Variants in DCC observed in about 807,000 individuals in gnomAD.
DCC encodes netrin receptor DCC.
Under a neutral mutation model 172.5 loss-of-function variants are expected in DCC, and 58 were observed. The observed-to-expected ratio is 0.34, with a 90% confidence interval of 0.27 to 0.42. DCC has a LOEUF of 0.42. Among genes scored for constraint, DCC ranks in the 10% least tolerant of loss-of-function variants. The pLI is 1.00. For missense variants in DCC, 1,740 were observed against 1,791.0 expected (o/e 0.97, Z 0.51); for synonymous variants, 709 against 644.5 (o/e 1.10, Z -1.52).
chr18:52,878,471 C>T (rs185260756), intron 2 of DCC, among the ~76,000 whole-genome samples: 10 of 152,276 alleles, frequency 6.6e-5, no homozygotes, highest in Admixed American at 3.3e-4. Flanking sequence ...CACCTACATG[C>T]AGTCCCCAAG....
chr18:52,483,759 T>A (rs2144588500), intron 1 of DCC, among the ~76,000 whole-genome samples: 1 of 152,226 alleles, frequency 6.6e-6, no homozygotes, highest in South Asian at 2.1e-4. Flanking sequence ...ACCATGCTTT[T>A]CAGTTCTGTG....
chr18:53,355,336 T>C (rs569772988), intron 15 of DCC, among the ~76,000 whole-genome samples: 25 of 152,232 alleles, frequency 1.6e-4, no homozygotes, highest in Admixed American at 1.2e-3. Flanking sequence ...TTGATGGAGA[T>C]GGCATTGAAT....
At chr18:52,505,824 G>A (rs1173878313) in intron 1 of DCC, among the ~76,000 whole-genome samples, 1 of 152,156 alleles carries the variant, frequency 6.6e-6, no homozygotes, top group African/African-American at 2.4e-5. Flanking sequence ...GGGCACATCT[G>A]ATTCTGTCAG....
chr18:52,878,464 C>T (rs1238882599), intron 2 of DCC, among the ~76,000 whole-genome samples: 1 of 152,296 alleles, frequency 6.6e-6, no homozygotes, highest in East Asian at 1.9e-4. Context: ...AAATCACCAC[C>T]TACATGCAGT....
chr18:52,750,330 C>G (rs1220432612), intron 1 of DCC, among the ~76,000 whole-genome samples: 1 of 152,134 alleles, frequency 6.6e-6, no homozygotes, highest in African/African-American at 2.4e-5. Context: ...GTACTTCCCA[C>G]TAGAAGAACA....
Position 53,339,727 on chromosome 18 carries a change from G to A in DCC, c.2179G>A (p.Asp727Asn). The change falls in exon 15 of 29, where the codon GAT (aspartate) becomes AAT (asparagine). Residue 727 changes from aspartate to asparagine, a missense_variant. Physicochemically the swap from Asp to Asn is conservative, Grantham distance 23. This residue lies in a region of DCC where 1,732 missense variants were observed against 1,767.4 expected (regional missense o/e 0.98). Transcript: ENST00000442544. ...TTGAATGCTAGAATCTCAAGTTCCT[G>A]ATCAACCAAGCTCTCTTCATGTGAG... ...ENDLDESQVP[D>N]QPSSLHVRPQ... The A allele has an allele frequency of 6.2e-7, 1 of 1,613,884 alleles. No individual in the cohort carries two copies. The highest frequency in any genetic ancestry group is 2.2e-5 in the East Asian group (1 of 44,856).
intron 7 of DCC, among the ~76,000 whole-genome samples, chr18:53,144,350 A>T (rs964840015): frequency 6.6e-5 from 10 of 152,196 alleles, no homozygotes; most frequent in Non-Finnish European, 1.3e-4. Context: ...AAATAAAGAC[A>T]TACTTGAGAC....
rs762058487 is a variant in DCC at position 53,397,454 on chromosome 18, A to T, written c.2827+8A>T. The stretch of plus-strand genomic sequence containing the variant: ...CCACCACGTATGAAGCAGGTATGTG[A>T]GGAAATGTCTACTTTGGACCCTTGA... On this transcript the variant is annotated splice_region_variant and intron_variant, in intron 18 of 28. Coordinates refer to ENST00000442544, the MANE Select transcript of DCC (RefSeq NM_005215.4). 1 of 1,613,880 alleles carries T rather than the reference A, an allele frequency of 6.2e-7. No individual in the cohort carries two copies. The highest frequency in any genetic ancestry group is 1.3e-5 in the African/African-American group (1 of 75,042).
At chr18:52,854,096 T>C (rs942357068) in intron 2 of DCC, among the ~76,000 whole-genome samples, 1 of 152,210 alleles carries the variant, frequency 6.6e-6, no homozygotes, top group Non-Finnish European at 1.5e-5. Flanking sequence ...TTTTAATAGA[T>C]GTCATAAGTA....
At chr18:53,462,498 A>C in intron 24 of DCC, among the ~76,000 whole-genome samples, 1 of 151,920 alleles carries the variant, frequency 6.6e-6, no homozygotes, top group Non-Finnish European at 1.5e-5. Context: ...ATCTAGTTGC[A>C]GGAAAACAAG....
At chr18:53,172,598 G>A (rs2055029933) in intron 8 of DCC, among the ~76,000 whole-genome samples, 1 of 152,078 alleles carries the variant, frequency 6.6e-6, no homozygotes, top group Non-Finnish European at 1.5e-5. Flanking sequence ...TATGAAAGCT[G>A]TCCTTCCTTA....
chr18:52,811,591 GTT>G (rs2038201117), intron 2 of DCC, among the ~76,000 whole-genome samples: 1 of 151,566 alleles, frequency 6.6e-6, no homozygotes, highest in Non-Finnish European at 1.5e-5. Flanking sequence ...ACTGGTGAAA[GTT>G]TTATTTTTTT....
At chr18:52,968,414 G>A (rs967415507) in intron 5 of DCC, among the ~76,000 whole-genome samples, 1 of 152,124 alleles carries the variant, frequency 6.6e-6, no homozygotes, top group Non-Finnish European at 1.5e-5. Flanking sequence ...CACAGGGCTT[G>A]GTGGTGGGTG....
At chr18:52,658,923 A>G (rs1339789066) in intron 1 of DCC, among the ~76,000 whole-genome samples, 1 of 152,218 alleles carries the variant, frequency 6.6e-6, no homozygotes, top group Non-Finnish European at 1.5e-5. Flanking sequence ...TTAAATCAGA[A>G]TTTGTCATTC....
chr18:52,649,270 G>T (rs1304496790), intron 1 of DCC, among the ~76,000 whole-genome samples: 1 of 151,828 alleles, frequency 6.6e-6, no homozygotes, highest in African/African-American at 2.4e-5. Context: ...CTACTTGGGA[G>T]GCTGAGGCAG....
chr18:52,627,035 A>C (rs2034587147), intron 1 of DCC, among the ~76,000 whole-genome samples: 1 of 152,098 alleles, frequency 6.6e-6, no homozygotes. Flanking sequence ...CTGACATATC[A>C]GGCTGTTCTT....
At chr18:53,203,048 G>T (rs2144543155) in intron 9 of DCC, among the ~76,000 whole-genome samples, 1 of 152,218 alleles carries the variant, frequency 6.6e-6, no homozygotes, top group Admixed American at 6.6e-5. Context: ...TGCAGATGAA[G>T]ATTAGATAAA....
chr18:52,712,999 T>G (rs2036320083), intron 1 of DCC, among the ~76,000 whole-genome samples: 3 of 152,200 alleles, frequency 2.0e-5, no homozygotes, highest in Admixed American at 6.5e-5. Context: ...CTCACTCTAT[T>G]CCATCTTTTT....
chr18:52,559,200 C>T (rs968593854), intron 1 of DCC, among the ~76,000 whole-genome samples: 9 of 152,172 alleles, frequency 5.9e-5, no homozygotes, highest in African/African-American at 2.2e-4. Flanking sequence ...CAACCTCCGC[C>T]TCCCAGGTTC....
Sources: allele counts gnomAD v4.1 joint callset (sites outside exome capture counted in the v4.1 genomes callset), GRCh38; gene constraint gnomAD v4.1.1; regional missense constraint gnomAD v4.1.1; transcripts MANE v1.5; gene names NCBI Gene and HGNC (gene_info 2026-07-23, HGNC 2026-07-21).